Variants in KSR1 observed in about 807,000 individuals in gnomAD.
KSR1 encodes the protein kinase suppressor of ras.
Under a neutral mutation model 92.9 loss-of-function variants are expected in KSR1, and 35 were observed. The ratio of observed to expected loss-of-function variants is 0.38; its 90% CI spans 0.29 to 0.50. KSR1 has a LOEUF of 0.50. Among genes scored for constraint, KSR1 ranks in the 20% least tolerant of loss-of-function variants. The pLI is 0.94. For synonymous variants in KSR1, 467 were observed against 472.6 expected (o/e 0.99, Z 0.15); for missense variants, 972 against 1,158.5 (o/e 0.84, Z 2.34).
intron 16 of KSR1, 115 bp downstream of exon 16, chr17:27,609,444 GC>G: frequency 7.2e-7 from 1 of 1,393,860 alleles, no homozygotes; most frequent in Non-Finnish European, 1.0e-6. Context: ...CTGCAGGGAA[GC>G]CCAGGTCGCT....
chr17:27,468,632 C>T (rs1481483772), intron 1 of KSR1, among the ~76,000 whole-genome samples: 1 of 152,214 alleles, frequency 6.6e-6, no homozygotes, highest in Non-Finnish European at 1.5e-5. Flanking sequence ...GCGGTCTTCT[C>T]CAGCCATCCG....
intron 10 of KSR1, 77 bp from the exon 11 acceptor site, chr17:27,601,283 C>A: frequency 7.7e-7 from 1 of 1,300,696 alleles, no homozygotes; most frequent in Admixed American, 1.9e-5. Flanking sequence ...GCCTCCCAAG[C>A]CGGTACCTGC....
chr17:27,560,013 T>A (rs2071757602), intron 2 of KSR1, among the ~76,000 whole-genome samples: 1 of 152,194 alleles, frequency 6.6e-6, no homozygotes, highest in Non-Finnish European at 1.5e-5. Flanking sequence ...GAAGGCTGCA[T>A]TCACATGGGG....
At chr17:27,579,888 A>AAAAAAAAAAG in intron 3 of KSR1, 1 of 138,942 alleles carries the variant, frequency 7.2e-6, no homozygotes, top group Non-Finnish European at 1.5e-5. Context: ...CAAAAAAAAA[A>AAAAAAAAAAG]AAAAAAAAAA....
intron 1 of KSR1, among the ~76,000 whole-genome samples, chr17:27,479,097 C>A (rs2068435004): frequency 6.6e-6 from 1 of 150,410 alleles, no homozygotes; most frequent in South Asian, 2.1e-4. Flanking sequence ...CTCTTCCCTC[C>A]ATCCATGCTC....
chr17:27,591,819 G>A (rs1467387541), intron 7 of KSR1, among the ~76,000 whole-genome samples: 2 of 152,152 alleles, frequency 1.3e-5, no homozygotes, highest in African/African-American at 4.8e-5. Flanking sequence ...GACACCCTCA[G>A]CCCATTAGTG....
At chr17:27,611,254 C>T in intron 17 of KSR1, 1 of 518,354 alleles carries the variant, frequency 1.9e-6, no homozygotes, top group South Asian at 2.5e-5. Context: ...AGAATGACCA[C>T]CAAGGCTCCG....
At chr17:27,491,955 G>A (rs1171405299) in intron 1 of KSR1, among the ~76,000 whole-genome samples, 2 of 152,146 alleles carry the variant, frequency 1.3e-5, no homozygotes, top group South Asian at 2.1e-4. Flanking sequence ...TGTGAGCAGC[G>A]CCTGCCTCCC....
intron 10 of KSR1, among the ~76,000 whole-genome samples, chr17:27,599,993 G>A (rs939503512): frequency 3.9e-5 from 6 of 151,938 alleles, no homozygotes; most frequent in Non-Finnish European, 7.4e-5. Context: ...GAAGGTCTTC[G>A]GGGCAGTGAC....
At chr17:27,457,152 T>G (rs775220417) in intron 1 of KSR1, among the ~76,000 whole-genome samples, 28 of 151,780 alleles carry the variant, frequency 1.8e-4, no homozygotes, top group Non-Finnish European at 2.7e-4. Context: ...TCCCCCCTTC[T>G]CCGCCCCCAC....
At chr17:27,548,139 T>TAATC (rs1026661476) in intron 1 of KSR1, among the ~76,000 whole-genome samples, 1 of 149,862 alleles carries the variant, frequency 6.7e-6, no homozygotes, top group African/African-American at 2.5e-5. Context: ...CTCACGCCTG[T>TAATC]AATCCCAGGA....
chr17:27,592,699 G>C (rs944187357), intron 9 of KSR1, 73 bp downstream of exon 9: 2 of 1,271,624 alleles, frequency 1.6e-6, no homozygotes, highest in Non-Finnish European at 2.2e-6. Flanking sequence ...CCCTGCCTCA[G>C]AGGCTCAGTG....
intron 1 of KSR1, among the ~76,000 whole-genome samples, chr17:27,497,220 A>T (rs114762986): frequency 0.019 from 2,925 of 152,322 alleles, 77 homozygotes; most frequent in African/African-American, 0.066. Flanking sequence ...ATTCTTCCAG[A>T]TGGTGAGTGA....
At chr17:27,497,566 C>A (rs1450493172) in intron 1 of KSR1, among the ~76,000 whole-genome samples, 1 of 152,188 alleles carries the variant, frequency 6.6e-6, no homozygotes, top group Non-Finnish European at 1.5e-5. Flanking sequence ...TCCCGGCCTT[C>A]TGCAGGCAGT....
intron 10 of KSR1, among the ~76,000 whole-genome samples, chr17:27,598,090 C>A (rs2073412261): frequency 6.6e-6 from 1 of 152,214 alleles, no homozygotes; most frequent in Non-Finnish European, 1.5e-5. Flanking sequence ...GCCTCTCCTG[C>A]CCTCAGCTGC....
At chr17:27,598,420 G>A (rs1301682410) in intron 10 of KSR1, among the ~76,000 whole-genome samples, 1 of 152,220 alleles carries the variant, frequency 6.6e-6, no homozygotes, top group East Asian at 1.9e-4. Context: ...GCCAGCAGGA[G>A]GCCAGGGAGC....
Position 27,610,047 on chromosome 17 carries a change from C to T in KSR1, c.2226-20C>T, listed in dbSNP as rs1200094766. The T allele has an allele frequency of 2.5e-6, 4 of 1,613,208 alleles. No homozygotes were observed. The highest frequency in any genetic ancestry group is 3.4e-6 in the Non-Finnish European group (4 of 1,179,516). On this transcript the variant is annotated intron_variant, in intron 16 of 20. Transcript: ENST00000644974. ...CCTGCTGAAAGGCCTGTGTCCTTGT[C>T]CCGGCTTCCTGGTCTCCAGGCGTGA...
At chr17:27,572,624 G>T (rs1412244947) in intron 2 of KSR1, among the ~76,000 whole-genome samples, 2 of 152,234 alleles carry the variant, frequency 1.3e-5, no homozygotes. Context: ...ACCTGAGAAG[G>T]TTTCAGAGTG....
intron 2 of KSR1, among the ~76,000 whole-genome samples, chr17:27,561,502 A>T (rs1358837455): frequency 1.3e-5 from 2 of 152,138 alleles, no homozygotes; most frequent in Non-Finnish European, 2.9e-5. Context: ...GTCTGCAAAT[A>T]ACTAGGGTGC....
Sources: gnomAD v4.1 joint callset for allele counts (sites outside exome capture counted in the v4.1 genomes callset) on GRCh38, gnomAD v4.1.1 for gene constraint, MANE v1.5 for transcripts, NCBI Gene and HGNC (gene_info 2026-07-23, HGNC 2026-07-21) for gene names.